SIPA1L1: variants seen among roughly 807,000 people sequenced by gnomAD.
SIPA1L1 encodes the protein signal induced proliferation associated 1 like 1, also known as signal-induced proliferation-associated 1-like protein 1.
A neutral mutation model predicts 162.7 loss-of-function variants in SIPA1L1; 26 were observed. The observed-to-expected ratio is 0.16, with a 90% CI of 0.12 to 0.22. The LOEUF (loss-of-function observed/expected upper bound fraction) is 0.22. Among genes scored for constraint, SIPA1L1 ranks in the 10% least tolerant of loss-of-function variants. The pLI is 1.00. For missense variants in SIPA1L1, 1,874 were observed against 2,241.0 expected (o/e 0.84, Z 3.31); for synonymous variants, 829 against 837.4 (o/e 0.99, Z 0.17).
chr14:71,358,851 A>G (rs1042630098), intron 2 of SIPA1L1, among the ~76,000 whole-genome samples: 11 of 152,066 alleles, frequency 7.2e-5, no homozygotes, highest in Non-Finnish European at 1.0e-4. Context: ...GGTGCTATAC[A>G]CTTTTAGATA....
In SIPA1L1 at chr14:71,709,542, C is replaced by T. The variant is rs574108318; in HGVS notation, c.4086C>T (p.Gly1362=). Residue 1362 remains glycine (G), a synonymous_variant, in exon 17 of 24, where the codon GGC becomes GGT. Coordinates refer to ENST00000381232, the MANE Select transcript of SIPA1L1 (RefSeq NM_001386936.1). ...ADRTLETESH[G]LDRKTESSLS... ...GGACTTTGGAGACAGAGAGCCACGG[C>T]CTGGACCGGAAAACAGAGTCTTCCC... 1 of 1,614,178 alleles carries T rather than the reference C, an allele frequency of 6.2e-7. No homozygotes were observed. The highest frequency in any genetic ancestry group is 1.1e-5 in the South Asian group (1 of 91,076).
chr14:71,707,415 A>G (rs1487111833), intron 16 of SIPA1L1, among the ~76,000 whole-genome samples: 2 of 152,202 alleles, frequency 1.3e-5, no homozygotes, highest in Admixed American at 6.5e-5. Flanking sequence ...TCACAGAGTT[A>G]TCCGGCCAGC....
chr14:71,497,499 A>G (rs533379345), intron 2 of SIPA1L1, among the ~76,000 whole-genome samples: 7 of 152,174 alleles, frequency 4.6e-5, no homozygotes, highest in African/African-American at 1.2e-4. Context: ...CTCTTTGCCT[A>G]CCTATAATCT....
At chr14:71,494,527 T>C (rs564185444) in intron 2 of SIPA1L1, among the ~76,000 whole-genome samples, 1 of 149,276 alleles carries the variant, frequency 6.7e-6, no homozygotes, top group African/African-American at 2.4e-5. Flanking sequence ...TCTTTTCTTT[T>C]TTTTTTTTTT....
intron 3 of SIPA1L1, among the ~76,000 whole-genome samples, chr14:71,513,347 G>A (rs1327556334): frequency 3.9e-5 from 6 of 152,084 alleles, no homozygotes; most frequent in African/African-American, 1.4e-4. Flanking sequence ...GTTGGTGTGT[G>A]TAGAAGAAAC....
chr14:71,514,288 A>T (rs1417668662), intron 3 of SIPA1L1, among the ~76,000 whole-genome samples: 2 of 152,104 alleles, frequency 1.3e-5, no homozygotes, highest in South Asian at 2.1e-4. Flanking sequence ...GGTTGTCTGT[A>T]TGCACAGTGG....
At chr14:71,645,937 T>C (rs1223349744) in intron 7 of SIPA1L1, among the ~76,000 whole-genome samples, 1 of 152,204 alleles carries the variant, frequency 6.6e-6, no homozygotes, top group African/African-American at 2.4e-5. Context: ...AATTAGGCAA[T>C]AGTAGAGGTT....
At chr14:71,716,687 GC>G (rs2083294332) in intron 17 of SIPA1L1, among the ~76,000 whole-genome samples, 1 of 152,196 alleles carries the variant, frequency 6.6e-6, no homozygotes, top group African/African-American at 2.4e-5. Flanking sequence ...GGCAAAGTCA[GC>G]AAATAGATGT....
At position 71,588,485 on chromosome 14, in the gene SIPA1L1, G is replaced by C; in HGVS notation, c.613G>C (p.Glu205Gln). The C allele has an allele frequency of 6.2e-7, 1 of 1,614,138 alleles. No individual in the cohort carries two copies. Among genetic ancestry groups the C allele is most frequent in the Non-Finnish European group, 8.5e-7 (1 of 1,179,990 alleles). ...TYKTGPSLHR[E>Q]YGSTSSIDKQ... ...CAAGACTGGACCATCACTGCACAGG[G>C]AATATGGTAGCACATCTTCAATTGA... Residue 205 changes from glutamate to glutamine, a missense_variant, in exon 5 of 24, where the codon GAA becomes CAA. Around this residue, in one of 5 missense-constraint regions of SIPA1L1, gnomAD observed 685 missense variants for 828.0 expected, o/e 0.83. Transcript: ENST00000381232. This position sits in a 1 kb window ranked among gnomAD's most constrained non-coding sequence, Gnocchi z 4.3.
chr14:71,431,795 T>C (rs1201400971), intron 2 of SIPA1L1, among the ~76,000 whole-genome samples: 1 of 152,200 alleles, frequency 6.6e-6, no homozygotes, highest in African/African-American at 2.4e-5. Context: ...GGGCTCCTCT[T>C]GGCCTCTCTG....
At chr14:71,645,317 A>G (rs569868705) in intron 7 of SIPA1L1, among the ~76,000 whole-genome samples, 2 of 152,202 alleles carry the variant, frequency 1.3e-5, no homozygotes, top group Non-Finnish European at 2.9e-5. Flanking sequence ...AAGTCCTTCT[A>G]TAATCTATGC....
At chr14:71,426,490 T>TA (rs1315544128) in intron 2 of SIPA1L1, among the ~76,000 whole-genome samples, 1 of 148,410 alleles carries the variant, frequency 6.7e-6, no homozygotes, top group Non-Finnish European at 1.5e-5. Context: ...TTCTTTCTTT[T>TA]TTTTTTTTTT....
rs945842021 is a variant in SIPA1L1, at chr14:71,640,013, C to T, written c.1819-10322C>T. 2.0e-5 allele frequency among the ~76,000 whole-genome samples: 3 copies of T among 152,186 alleles called. No individual in the cohort carries two copies. The East Asian group carries it at 5.8e-4, about 29-fold the overall frequency. On this transcript the variant is annotated intron_variant, in intron 7 of 23. Coordinates refer to ENST00000381232, the MANE Select transcript of SIPA1L1 (RefSeq NM_001386936.1). ...CCGCCTCCCAGATTCAAGCAATTCT[C>T]GTGCCTCAGTCTCCCGAGTAGCTGG... is the stretch of plus-strand genomic sequence containing the variant.
intron 12 of SIPA1L1, among the ~76,000 whole-genome samples, chr14:71,678,182 A>G (rs1327512689): frequency 6.6e-6 from 1 of 152,166 alleles, no homozygotes; most frequent in Non-Finnish European, 1.5e-5. Context: ...GCTATGTTGA[A>G]TAAGAGTGGT....
intron 4 of SIPA1L1, among the ~76,000 whole-genome samples, chr14:71,582,116 T>C (rs1345294729): frequency 6.6e-6 from 1 of 152,158 alleles, no homozygotes; most frequent in East Asian, 1.9e-4. Flanking sequence ...GTAGGATCCC[T>C]TGAACCCAGG....
intron 22 of SIPA1L1, among the ~76,000 whole-genome samples, chr14:71,736,258 A>C (rs2085280092): frequency 6.6e-6 from 1 of 151,744 alleles, no homozygotes; most frequent in Non-Finnish European, 1.5e-5. Flanking sequence ...TTATCTGGGC[A>C]TGGTGGTGCA....
intron 5 of SIPA1L1, among the ~76,000 whole-genome samples, chr14:71,590,051 A>G (rs1378229128): frequency 1.7e-5 from 1 of 60,318 alleles, no homozygotes; most frequent in Non-Finnish European, 3.8e-5. Context: ...AAAAATATAT[A>G]TATATATATA....
intron 15 of SIPA1L1, among the ~76,000 whole-genome samples, chr14:71,703,716 T>G (rs2082250624): frequency 6.6e-6 from 1 of 152,200 alleles, no homozygotes; most frequent in African/African-American, 2.4e-5. Context: ...TTTTTTTGGC[T>G]CCTAGTGCAG....
intron 12 of SIPA1L1, among the ~76,000 whole-genome samples, chr14:71,682,153 A>G (rs766731926): frequency 2.4e-4 from 36 of 152,132 alleles, no homozygotes; most frequent in Non-Finnish European, 4.0e-4. Flanking sequence ...CTAGGCCTCT[A>G]TTTCCTCCTC....
Sources: allele counts gnomAD v4.1 joint callset (sites outside exome capture counted in the v4.1 genomes callset), GRCh38; gene constraint gnomAD v4.1.1; regional missense constraint gnomAD v4.1.1; non-coding constraint Gnocchi (gnomAD v3.1); transcripts MANE v1.5; gene names NCBI Gene and HGNC (gene_info 2026-07-23, HGNC 2026-07-21).